PCA3: variants seen among roughly 807,000 people sequenced by gnomAD.
PCA3 encodes the protein Differential Display code 3.
At chr9:76,777,159 G>C (rs920579973) in intron 2 of PCA3, among the ~76,000 whole-genome samples, 43 of 152,202 alleles carry the variant, frequency 2.8e-4, no homozygotes, top group African/African-American at 1.0e-3. Context: ...GGCAGAGAAG[G>C]GAAGAAATGC....
intron 2 of PCA3, among the ~76,000 whole-genome samples, chr9:76,774,450 C>CTTTTTTTATTTATTTATTTATTTATTTT (rs1564272256): frequency 7.2e-5 from 3 of 41,402 alleles, no homozygotes; most frequent in South Asian, 9.9e-4. Flanking sequence ...CAGTTCAACC[C>CTTTTTTTATTTATTTATTTATTTATTTT]TTTTTTTTTT....
At chr9:76,774,325 A>G (rs909899931) in intron 2 of PCA3, among the ~76,000 whole-genome samples, 1 of 151,642 alleles carries the variant, frequency 6.6e-6, no homozygotes, top group Non-Finnish European at 1.5e-5. Context: ...TTTTGTAAAG[A>G]TGGGGTTTCA....
At chr9:76,781,537 C>A (rs1187187083) in intron 2 of PCA3, among the ~76,000 whole-genome samples, 1 of 152,202 alleles carries the variant, frequency 6.6e-6, no homozygotes, top group East Asian at 1.9e-4. Context: ...AAATTACTTT[C>A]TTTGGAGAAC....
chr9:76,774,328 G>T (rs1055896080), intron 2 of PCA3, among the ~76,000 whole-genome samples: 1 of 151,782 alleles, frequency 6.6e-6, no homozygotes, highest in Non-Finnish European at 1.5e-5. Context: ...TGTAAAGATG[G>T]GGTTTCACCA....
chr9:76,774,453 T>TTTTAATTTATTTATTTATTTA (rs2053487865), intron 2 of PCA3, among the ~76,000 whole-genome samples: 1 of 122,224 alleles, frequency 8.2e-6, no homozygotes, highest in Non-Finnish European at 1.8e-5. Context: ...TTCAACCCTT[T>TTTTAATTTATTTATTTATTTA]TTTTTTTTTT....
chr9:76,768,623 G>GTGTGTGTGTA (rs1491356086), intron 2 of PCA3, among the ~76,000 whole-genome samples: 10 of 130,152 alleles, frequency 7.7e-5, no homozygotes, highest in African/African-American at 2.2e-4. Flanking sequence ...GTGTGTGTGT[G>GTGTGTGTGTA]TATATCCCTG....
intron 2 of PCA3, chr9:76,784,814 A>ACAT (rs1326297937): frequency 6.6e-6 from 1 of 152,484 alleles, no homozygotes; most frequent in Non-Finnish European, 1.5e-5. Flanking sequence ...TATCTAATCA[A>ACAT]CATCATCCTC....
chr9:76,778,138 A>C (rs2053999532), intron 2 of PCA3, among the ~76,000 whole-genome samples: 1 of 152,218 alleles, frequency 6.6e-6, no homozygotes, highest in Non-Finnish European at 1.5e-5. Flanking sequence ...TGATTAAATC[A>C]GAATCTCTGG....
intron 2 of PCA3, among the ~76,000 whole-genome samples, chr9:76,783,318 G>A (rs1295913184): frequency 6.6e-6 from 1 of 152,092 alleles, no homozygotes; most frequent in African/African-American, 2.4e-5. Context: ...TGTATTTTTA[G>A]TAGAGATGGG....
At chr9:76,776,518 C>CA (rs2053773895) in intron 2 of PCA3, among the ~76,000 whole-genome samples, 1 of 122,850 alleles carries the variant, frequency 8.1e-6, no homozygotes, top group South Asian at 2.6e-4. Context: ...TTTCTTTTTT[C>CA]TTTTTTTTTT....
rs928124699 is a variant in PCA3, at chr9:76,777,205, G to A, written n.853-31378G>A. Among the ~76,000 whole-genome samples, 13 of 152,302 alleles carry A rather than the reference G, an allele frequency of 8.5e-5. 1 individual carries two copies. The Middle Eastern group carries it at 0.014, about 159-fold the overall frequency. On this transcript the variant is annotated intron_variant and non_coding_transcript_variant, in intron 2 of 5. Transcript: ENST00000644657. ...AGCATGTGAAACTGCTAGGGACAAA[G>A]GGTAAGAAAGACCATTCCAGGATTC...
chr9:76,786,663 T>G (rs567753006), intron 2 of PCA3: 12 of 152,350 alleles, frequency 7.9e-5, no homozygotes, highest in African/African-American at 2.9e-4. Context: ...TTTTCTTCCA[T>G]CCCCACCACT....
intron 2 of PCA3, among the ~76,000 whole-genome samples, chr9:76,764,937 GCTGA>G (rs1271275647): frequency 1.3e-5 from 2 of 152,178 alleles, no homozygotes; most frequent in Admixed American, 1.3e-4. Context: ...GTTTAATGTT[GCTGA>G]CTAACTATAC....
chr9:76,774,450 C>CTTTTTTTATTTATTTATTTATTTATT lies in PCA3; in HGVS notation n.853-34126_853-34125insATTTATTTATTTATTTATTTTTTTTT, dbSNP rs1564272256. 2.0e-3 allele frequency among the ~76,000 whole-genome samples: 81 copies of CTTTTTTTATTTATTTATTTATTTATT among 41,384 alleles called. 2 individuals are homozygous for CTTTTTTTATTTATTTATTTATTTATT. The highest frequency in any genetic ancestry group is 8.2e-3 in the East Asian group (8 of 972). The allele number at this position is 41,384 out of a possible 152,430, so 27.1% of individuals were successfully genotyped here. On this transcript the variant is annotated intron_variant and non_coding_transcript_variant, in intron 2 of 5. Coordinates refer to ENST00000644657, the Ensembl canonical transcript of PCA3. The stretch of plus-strand genomic sequence containing the variant: ...ATCGTTCCTGGCCTCCAGTTCAACC[C>CTTTTTTTATTTATTTATTTATTTATT]TTTTTTTTTTTTTTTTTTTTTTTTT...
chr9:76,781,132 A>C (rs1366723641), intron 2 of PCA3, among the ~76,000 whole-genome samples: 1 of 152,176 alleles, frequency 6.6e-6, no homozygotes, highest in Non-Finnish European at 1.5e-5. Context: ...ATCCTACTTC[A>C]AACCATGGTC....
At chr9:76,774,699 T>G (rs1227955294) in intron 2 of PCA3, among the ~76,000 whole-genome samples, 1 of 152,004 alleles carries the variant, frequency 6.6e-6, no homozygotes, top group Admixed American at 6.6e-5. Context: ...CCTCAGGTGA[T>G]CCACCCACCT....
At chr9:76,767,089 T>C (rs980197220) in intron 2 of PCA3, among the ~76,000 whole-genome samples, 3 of 152,158 alleles carry the variant, frequency 2.0e-5, no homozygotes, top group African/African-American at 7.2e-5. Context: ...TGAATAAATA[T>C]CTGTTTAACA....
At chr9:76,779,893 G>T (rs1044688866) in intron 2 of PCA3, 2 of 152,146 alleles carry the variant, frequency 1.3e-5, no homozygotes, top group African/African-American at 4.8e-5. Context: ...TCTATACAGA[G>T]AAATATTTTT....
chr9:76,786,405 G>A (rs2054984096), intron 2 of PCA3: 1 of 152,452 alleles, frequency 6.6e-6, no homozygotes, highest in African/African-American at 2.4e-5. Context: ...CCATCTCTGT[G>A]AGCCACAACC....
Sources: allele counts gnomAD v4.1 joint callset (sites outside exome capture counted in the v4.1 genomes callset), GRCh38; gene constraint gnomAD v4.1.1; transcripts MANE v1.5; gene names NCBI Gene and HGNC (gene_info 2026-07-23, HGNC 2026-07-21).